Variants in ZNF568 observed in about 807,000 individuals in gnomAD.
ZNF568 encodes the protein zinc finger protein 568.
ZNF568 carries 11 observed loss-of-function variants against 18.1 expected under a neutral mutation model. The ratio of observed to expected loss-of-function variants is 0.61; its 90% CI spans 0.38 to 1.00. The LOEUF (loss-of-function observed/expected upper bound fraction) is 1.00, where lower values mean the gene tolerates loss of function less well. Ranked by LOEUF, ZNF568 falls within the 50% of genes least tolerant of loss-of-function variation. The pLI is 0.01. For synonymous variants in ZNF568, 213 were observed against 246.6 expected (o/e 0.86, Z 1.28); for missense variants, 639 against 768.2 (o/e 0.83, Z 1.99).
chr19:36,945,749 G>A (rs962321517), intron 6 of ZNF568, among the ~76,000 whole-genome samples: 1 of 151,672 alleles, frequency 6.6e-6, no homozygotes, highest in Non-Finnish European at 1.5e-5. Context: ...GTGTGTGTGT[G>A]TGTGTGTGTG....
At chr19:36,939,681 A>G (rs508361) in intron 6 of ZNF568, among the ~76,000 whole-genome samples, 55,801 of 151,360 alleles carry the variant, frequency 0.37, 10,482 homozygotes, top group African/African-American at 0.41. Flanking sequence ...CTGGGACTAC[A>G]GGCACGCGTG....
chr19:36,980,216 C>T (rs1197766110), downstream of ZNF568: 1 of 152,046 alleles, frequency 6.6e-6, no homozygotes, highest in East Asian at 1.9e-4. Flanking sequence ...ATTTTAATGC[C>T]TTCAAATTTA....
intron 4 of ZNF568, among the ~76,000 whole-genome samples, chr19:36,993,057 T>C (rs1243156515): frequency 6.6e-6 from 1 of 152,238 alleles, no homozygotes; most frequent in Admixed American, 6.5e-5. Flanking sequence ...TTTGGGTTGT[T>C]TCTACTTTTA....
chr19:36,925,891 G>A (rs1404895673), intron 4 of ZNF568, among the ~76,000 whole-genome samples: 1 of 152,172 alleles, frequency 6.6e-6, no homozygotes, highest in African/African-American at 2.4e-5. Context: ...TTGAGCATCA[G>A]TGGATTTTGG....
At position 36,950,411 on chromosome 19, in the gene ZNF568, T is replaced by G. The variant is rs1221556209; in HGVS notation, c.1258T>G (p.Cys420Gly). Reference sequence around the variant, plus strand: ...TCACACTGGTGAGAAACCCTATGTATGTAGTGAATGTGGGAAAGCCTTCTC... The same window carrying G: ...TCACACTGGTGAGAAACCCTATGTAGGTAGTGAATGTGGGAAAGCCTTCTC... Reference protein sequence around the residue: ...RSHTGEKPYVCSECGKAFSQS... With the variant: ...RSHTGEKPYVGSECGKAFSQS... Residue 420 changes from cysteine to glycine, a missense_variant, in exon 7 of 7, where the codon TGT becomes GGT. Physicochemically the swap from Cys to Gly is radical, Grantham distance 159. Transcript: ENST00000333987. 1.2e-5 allele frequency: 20 copies of G among 1,614,062 alleles called. No individual in the cohort carries two copies. Among genetic ancestry groups the G allele is most frequent in the Non-Finnish European group, 1.7e-5 (20 of 1,179,988 alleles).
chr19:36,929,945 G>GT (rs60600732), intron 4 of ZNF568, among the ~76,000 whole-genome samples: 6,192 of 143,120 alleles, frequency 0.043, 179 homozygotes, highest in African/African-American at 0.079. Context: ...GCGTGTTCAT[G>GT]TTTTTTTTTT....
downstream of ZNF568, among the ~76,000 whole-genome samples, chr19:36,981,641 G>A (rs772753189): frequency 7.9e-5 from 12 of 152,054 alleles, no homozygotes; most frequent in African/African-American, 1.2e-4. Flanking sequence ...TAAGGAGACC[G>A]AGGCAGGCGA....
At chr19:36,965,005 T>A (rs566547226) in intron 6 of ZNF568, among the ~76,000 whole-genome samples, 1 of 152,132 alleles carries the variant, frequency 6.6e-6, no homozygotes, top group Non-Finnish European at 1.5e-5. Context: ...GCAAGTACTA[T>A]AAGAGGGACT....
chr19:36,973,314 G>A (rs2074252238), intron 6 of ZNF568: 1 of 152,940 alleles, frequency 6.5e-6, no homozygotes. Flanking sequence ...GGGGCGGTGA[G>A]GCGTCCCGGC....
chr19:36,996,978 G>T, exon 5 of ZNF568: 4 of 1,543,868 alleles, frequency 2.6e-6, no homozygotes, highest in Non-Finnish European at 3.5e-6. Context: ...AGGCGTGTGG[G>T]AAGGCCTTTA....
chr19:36,976,921 A>T (rs183313532), intron 7 of ZNF568, among the ~76,000 whole-genome samples: 3 of 152,278 alleles, frequency 2.0e-5, no homozygotes, highest in Admixed American at 2.0e-4. Context: ...AGAAAAAAAA[A>T]GAAAGGGTAG....
At chr19:36,997,280 C>G (rs758207423), downstream of ZNF568, 42 of 1,602,434 alleles carry the variant, frequency 2.6e-5, no homozygotes, top group African/African-American at 5.1e-4. Flanking sequence ...AGTGTCCATA[C>G]TGGGGAGAAA....
At chr19:36,987,162 A>G (rs2074382930) in intron 2 of ZNF568, among the ~76,000 whole-genome samples, 1 of 152,198 alleles carries the variant, frequency 6.6e-6, no homozygotes, top group African/African-American at 2.4e-5. Flanking sequence ...TGCAGTGTGC[A>G]GTGTACAGCA....
At chr19:36,992,597 AC>A (rs1182240993) in intron 4 of ZNF568, among the ~76,000 whole-genome samples, 10 of 152,076 alleles carry the variant, frequency 6.6e-5, no homozygotes, top group African/African-American at 2.4e-4. Context: ...GAGAGGAAGT[AC>A]CCTCTTTCTT....
intron 6 of ZNF568, 75 bp downstream of exon 6, chr19:36,937,317 C>T: frequency 7.8e-7 from 1 of 1,275,610 alleles, no homozygotes; most frequent in Non-Finnish European, 1.1e-6. Flanking sequence ...TATCATTTCA[C>T]AATTTCCAAG....
chr19:36,931,103 G>C (rs1192757659), intron 4 of ZNF568, among the ~76,000 whole-genome samples: 4 of 152,244 alleles, frequency 2.6e-5, no homozygotes, highest in African/African-American at 9.6e-5. Context: ...TCCACAGTGG[G>C]CTTGTGTCTG....
chr19:36,933,916 G>GTTTTT (rs1243440418), intron 4 of ZNF568, among the ~76,000 whole-genome samples: 1 of 20,700 alleles, frequency 4.8e-5, no homozygotes, highest in African/African-American at 3.2e-4. Flanking sequence ...TTTTTGTTTT[G>GTTTTT]TTTTTTTGTT....
rs2074426080 is a variant in ZNF568 at position 36,991,769 on chromosome 19, CA to C, written c.155del (p.Asn52MetfsTer2). On this transcript the variant is annotated frameshift_variant, in exon 4 of 5. Transcript: ENST00000433993. LOFTEE classifies it high-confidence loss of function. ...TGAGCAGGGCTTTCTGATACTAAGC[CA>C]AATGTGATCTCCTTATTGGAGCAGA... 6.3e-7 allele frequency: 1 copy of C among 1,577,376 alleles called. No individual in the cohort carries two copies.
At position 36,916,746 on chromosome 19, in the gene ZNF568, T is replaced by C. The variant is rs2073341865; in HGVS notation, c.-256+155T>C. Reference sequence around the variant, plus strand: ...GATGAAATGTGTGATATGTGTGTGATTATGATTAAGGCTGTAGCGAGTGTG... The same window carrying C: ...GATGAAATGTGTGATATGTGTGTGACTATGATTAAGGCTGTAGCGAGTGTG... On this transcript the variant is annotated intron_variant, in intron 1 of 6. Transcript: ENST00000333987. This position sits in a 1 kb window ranked among gnomAD's most constrained non-coding sequence, Gnocchi z 5.3. Among the ~76,000 whole-genome samples, 1 of 152,122 alleles carries C rather than the reference T, an allele frequency of 6.6e-6. No individual in the cohort carries two copies. The highest frequency in any genetic ancestry group is 6.5e-5 in the Admixed American group (1 of 15,278).
Sources: gnomAD v4.1 joint callset for allele counts (sites outside exome capture counted in the v4.1 genomes callset) on GRCh38, gnomAD v4.1.1 for gene constraint, Gnocchi (gnomAD v3.1) non-coding constraint, MANE v1.5 for transcripts, NCBI Gene and HGNC (gene_info 2026-07-23, HGNC 2026-07-21) for gene names.